CYP4F12: variants seen among roughly 807,000 people sequenced by gnomAD.
The protein encoded by CYP4F12 is cytochrome P450 4F12.
Under a neutral mutation model 56.5 loss-of-function variants are expected in CYP4F12, and 60 were observed. That is an observed-to-expected ratio of 1.06 (90% confidence interval 0.86 to 1.32). The LOEUF is 1.32. CYP4F12 is among the 40% of genes most tolerant of loss of function. The pLI, the probability that CYP4F12 is intolerant of heterozygous loss-of-function variation, is 0.00. For synonymous variants in CYP4F12, 263 were observed against 264.9 expected (o/e 0.99, Z 0.07); for missense variants, 711 against 683.5 (o/e 1.04, Z -0.45).
intron 12 of CYP4F12, 103 bp from the exon 13 acceptor site, chr19:15,696,805 A>T: frequency 7.1e-7 from 1 of 1,412,934 alleles, no homozygotes; most frequent in Non-Finnish European, 9.4e-7. Context: ...TCTCTCTCTC[A>T]GGCTGAGCTG....
chr19:15,684,545 T>C (rs1300491377), intron 7 of CYP4F12: 2 of 415,026 alleles, frequency 4.8e-6, no homozygotes, highest in Non-Finnish European at 8.5e-6. Context: ...GTCTGTATTA[T>C]GCAGAAAAAT....
At chr19:15,693,033 G>A (rs2007946430) in intron 9 of CYP4F12, among the ~76,000 whole-genome samples, 1 of 152,124 alleles carries the variant, frequency 6.6e-6, no homozygotes. Flanking sequence ...AGACAAGATT[G>A]TGTCACTGCA....
intron 9 of CYP4F12, among the ~76,000 whole-genome samples, chr19:15,694,071 AT>A (rs1382164263): frequency 6.6e-6 from 1 of 151,962 alleles, no homozygotes; most frequent in Admixed American, 6.6e-5. Flanking sequence ...TACCAGTACC[AT>A]GCTGTTTTGG....
chr19:15,676,589 CCTCA>C lies in CYP4F12; in HGVS notation c.199-1669_199-1666del, dbSNP rs1310222037. 1.1e-4 allele frequency among the ~76,000 whole-genome samples: 2 copies of C among 18,610 alleles called. 1 individual carries two copies. Among genetic ancestry groups the C allele is most frequent in the African/African-American group, 3.4e-4 (2 of 5,906 alleles). The allele number at this position is 18,610 out of a possible 152,430, so 12.2% of individuals were successfully genotyped here. A position where few individuals can be genotyped will look rare whatever the true frequency, so the allele number is the denominator to read the frequency against. On this transcript the variant is annotated intron_variant, in intron 2 of 12. Transcript: ENST00000550308. The stretch of plus-strand genomic sequence containing the variant: ...TTCCTCTACCCACACTCATTCCTCT[CCTCA>C]CTAATTCCAATACCAACTCACTCAT...
intron 5 of CYP4F12, 52 bp from the exon 6 acceptor site, chr19:15,682,337 G>A (rs1042081832): frequency 1.8e-5 from 29 of 1,602,302 alleles, no homozygotes; most frequent in South Asian, 8.8e-5. Context: ...GACTGGGGAG[G>A]GGCACAAAGG....
chr19:15,695,065 C>A (rs144928903), intron 9 of CYP4F12, among the ~76,000 whole-genome samples: 1 of 151,842 alleles, frequency 6.6e-6, no homozygotes, highest in African/African-American at 2.4e-5. Context: ...ATGTTTATTG[C>A]GGCACTATTC....
intron 9 of CYP4F12, among the ~76,000 whole-genome samples, chr19:15,693,785 A>G (rs60430718): frequency 0.24 from 33,339 of 139,468 alleles, 4,162 homozygotes; most frequent in African/African-American, 0.32. Flanking sequence ...TTGAATGGTA[A>G]TGCCTCGGTT....
At chr19:15,684,071 C>T (rs1219952824) in intron 7 of CYP4F12, 1 of 188,318 alleles carries the variant, frequency 5.3e-6, no homozygotes, top group Non-Finnish European at 1.1e-5. Context: ...AAAAGATGCA[C>T]CAAACCCCTG....
intron 3 of CYP4F12, among the ~76,000 whole-genome samples, chr19:15,679,010 C>G (rs929550924): frequency 6.6e-6 from 1 of 152,204 alleles, no homozygotes; most frequent in Non-Finnish European, 1.5e-5. Context: ...TGCTCTCCTC[C>G]TATGGGCTTC....
At chr19:15,680,319 G>C in intron 4 of CYP4F12, 22 bp downstream of exon 4, 1 of 1,613,162 alleles carries the variant, frequency 6.2e-7, no homozygotes, top group Non-Finnish European at 8.5e-7. Flanking sequence ...CAGGTGAAAG[G>C]GGTTGGGGAC....
rs148185613 is a variant in CYP4F12, at chr19:15,695,993, A to T, written c.1173A>T (p.Leu391Phe). Residue 391 changes from leucine to phenylalanine, a missense_variant, in exon 10 of 13, where the codon TTA (leucine) becomes TTT (phenylalanine). Leu to Phe is a conservative substitution (Grantham distance 22, BLOSUM62 0). Transcript: ENST00000550308. ...TGTGCGTGAAGGAGAGCCTGAGGTTACATCCCCCAGCTCCCTTCATCTCCC... is the reference window on the plus strand; with the variant it reads ...TGTGCGTGAAGGAGAGCCTGAGGTTTCATCCCCCAGCTCCCTTCATCTCCC... ...LTMCVKESLR[L>F]HPPAPFISRC... 1 of 1,613,896 alleles carries T rather than the reference A, an allele frequency of 6.2e-7. No homozygotes were observed. The highest frequency in any genetic ancestry group is 1.7e-5 in the Admixed American group (1 of 59,976).
At chr19:15,682,637 G>A in intron 6 of CYP4F12, 127 bp downstream of exon 6, 2 of 1,415,540 alleles carry the variant, frequency 1.4e-6, no homozygotes, top group Non-Finnish European at 1.9e-6. Flanking sequence ...GTGCTTTGAA[G>A]GTCGAGGAAG....
At chr19:15,696,270 TTGTGTG>T (rs145964606) in intron 11 of CYP4F12, 45 bp downstream of exon 11, 10 of 1,533,062 alleles carry the variant, frequency 6.5e-6, no homozygotes, top group African/African-American at 1.4e-5. Flanking sequence ...TCCTCTACTT[TTGTGTG>T]TGTGTGTGTG....
intron 9 of CYP4F12, among the ~76,000 whole-genome samples, chr19:15,692,460 A>G (rs2007914993): frequency 6.6e-6 from 1 of 152,094 alleles, no homozygotes; most frequent in African/African-American, 2.4e-5. Flanking sequence ...ATATGGTAAA[A>G]CTAATGATTT....
At chr19:15,685,553 A>G (rs633553) in intron 9 of CYP4F12, among the ~76,000 whole-genome samples, 86,716 of 151,918 alleles carry the variant, frequency 0.57, 25,101 homozygotes, top group East Asian at 0.71. Context: ...GTGGGGAGGG[A>G]GAAGTTGTTT....
intron 9 of CYP4F12, among the ~76,000 whole-genome samples, chr19:15,693,165 G>A (rs1257047580): frequency 9.2e-6 from 1 of 109,160 alleles, no homozygotes; most frequent in Non-Finnish European, 1.9e-5. Flanking sequence ...AGCCCAGAAA[G>A]CATACATTAA....
intron 3 of CYP4F12, among the ~76,000 whole-genome samples, chr19:15,679,679 C>G (rs183085294): frequency 6.6e-6 from 1 of 152,264 alleles, no homozygotes; most frequent in East Asian, 1.9e-4. Flanking sequence ...GTAGCTTGTC[C>G]AAGGTCTGGG....
At chr19:15,683,046 T>C (rs1002567536) in intron 6 of CYP4F12, among the ~76,000 whole-genome samples, 3 of 151,184 alleles carry the variant, frequency 2.0e-5, no homozygotes, top group Admixed American at 1.3e-4. Flanking sequence ...TGCTTCTTCT[T>C]TCTTACAGGG....
chr19:15,690,590 G>A (rs866711846), intron 9 of CYP4F12, among the ~76,000 whole-genome samples: 1 of 152,244 alleles, frequency 6.6e-6, no homozygotes. Context: ...GTCTCTTTGT[G>A]CCTGGCTCAT....
Sources: allele counts gnomAD v4.1 joint callset (sites outside exome capture counted in the v4.1 genomes callset), GRCh38; gene constraint gnomAD v4.1.1; transcripts MANE v1.5; gene names NCBI Gene and HGNC (gene_info 2026-07-23, HGNC 2026-07-21).